The following CCR1 variants were observed in gnomAD, a reference collection of about 807,000 sequenced individuals.
CCR1 encodes the protein C-C chemokine receptor type 1.
Under a neutral mutation model 0.3 loss-of-function variants are expected in CCR1, and 1 was observed. The observed-to-expected ratio is 3.70, with a 90% confidence interval of 1.31 to 17.54. CCR1 has a LOEUF of 17.54. Ranked by LOEUF, CCR1 falls within the 30% of genes most tolerant of loss-of-function variation. The probability of loss-of-function intolerance (pLI) is 0.11; values close to 1 mark genes in which losing one functional copy is unlikely to be tolerated. For missense variants in CCR1, 349 were observed against 435.4 expected (o/e 0.80, Z 1.77); for synonymous variants, 207 against 182.5 (o/e 1.13, Z -1.08).
In CCR1 at chr3:46,201,832, C is replaced by T. The variant is rs199549863; in HGVS notation, c.*1414G>A. ...GTTATTATCATAAATATGCACCCAA[C>T]AAAAAACAAACTAAAAGAAAATACA... is the stretch of plus-strand genomic sequence containing the variant. On this transcript the variant is annotated 3_prime_UTR_variant, in exon 2 of 2. Coordinates refer to ENST00000296140, the MANE Select transcript of CCR1 (RefSeq NM_001295.3). The T allele has an allele frequency of 6.6e-6, 1 of 152,098 alleles. No individual in the cohort carries two copies. Among genetic ancestry groups the T allele is most frequent in the Non-Finnish European group, 1.5e-5 (1 of 67,996 alleles). 9.4% of individuals were successfully genotyped at this position (152,098 alleles called of 1,614,324 possible).
intron 1 of CCR1, among the ~76,000 whole-genome samples, chr3:46,207,906 C>T (rs1699661437): frequency 6.6e-6 from 1 of 152,160 alleles, no homozygotes; most frequent in Non-Finnish European, 1.5e-5. Context: ...TCCCAAAGTG[C>T]TGGGATTACA....
intron 1 of CCR1, among the ~76,000 whole-genome samples, chr3:46,206,667 C>T (rs1212329305): frequency 6.6e-6 from 1 of 152,196 alleles, no homozygotes; most frequent in Non-Finnish European, 1.5e-5. Flanking sequence ...CATACACCCC[C>T]TACCTCCAAC....
rs745318229 is a variant in CCR1 at position 46,203,455 on chromosome 3, C to T, written c.859G>A (p.Glu287Lys). ...RHLDLAVQVT[E>K]VIAYTHCCVN... ...CAGCAGTGCGTGTAGGCGATCACCT[C>T]CGTCACTTGCACAGCCAGGTCCAAA... The change falls in exon 2 of 2, where the codon GAG (glutamate) becomes AAG (lysine). Residue 287 changes from glutamate (E) to lysine (K), a missense_variant. Coordinates refer to ENST00000296140, the MANE Select transcript of CCR1 (RefSeq NM_001295.3). This position sits in a 1 kb window ranked among gnomAD's most constrained non-coding sequence, Gnocchi z 4.5. The T allele has an allele frequency of 6.8e-6, 11 of 1,614,044 alleles. No homozygotes were observed. In the African/African-American group the frequency reaches 8.0e-5, roughly 12 times the overall value.
At position 46,203,299 on chromosome 3, in the gene CCR1, C is replaced by T. The variant is rs184619480; in HGVS notation, c.1015G>A (p.Val339Ile). The T allele has an allele frequency of 6.2e-6, 10 of 1,614,162 alleles. No homozygotes were observed. Among genetic ancestry groups the T allele is most frequent in the African/African-American group, 1.3e-5 (1 of 75,056 alleles). The change falls in exon 2 of 2, where the codon GTC becomes ATC. Residue 339 changes from valine (V) to isoleucine (I), a missense_variant. Coordinates refer to ENST00000296140, the MANE Select transcript of CCR1 (RefSeq NM_001295.3). The surrounding 1 kb of genome is among the most constrained non-coding windows in gnomAD (Gnocchi z 4.5). ...PFLSVDRLER[V>I]SSTSPSTGEH... ...CCTGTGGAGGGAGATGTGGAGCTGA[C>T]CCTCTCCAGCCTGTCCACGGAGAGG...
At position 46,202,225 on chromosome 3, in the gene CCR1, T is replaced by C. The variant is rs1443408816; in HGVS notation, c.*1021A>G. 4 of 123,760 alleles carry C rather than the reference T, an allele frequency of 3.2e-5. No individual in the cohort carries two copies. Among genetic ancestry groups the C allele is most frequent in the Non-Finnish European group, 5.4e-5 (3 of 55,398 alleles). The allele number at this position is 123,760 out of a possible 1,614,324, so 7.7% of individuals were successfully genotyped here. A position where few individuals can be genotyped will look rare whatever the true frequency, so the allele number is the denominator to read the frequency against. ...ACAGCAGGCCTTATTATTATTATTA[T>C]TTTTTTTTTTTGCTGACAAGTCCAA... On this transcript the variant is annotated 3_prime_UTR_variant, in exon 2 of 2. Coordinates refer to ENST00000296140, the MANE Select transcript of CCR1 (RefSeq NM_001295.3).
In CCR1 at chr3:46,203,251, A is replaced by G. The variant is rs1052740665; in HGVS notation, c.1063T>C (p.Phe355Leu). ...TTGGCCTCCTATGGTCTGAGTCAGA[A>G]CCCAGCAGAGAGTTCATGCTCCCCT... ...STGEHELSAG[F>L] Residue 355 changes from phenylalanine to leucine, a missense_variant, in exon 2 of 2, where the codon TTC (phenylalanine) becomes CTC (leucine). Phe to Leu is a conservative substitution (Grantham distance 22). Coordinates refer to ENST00000296140, the MANE Select transcript of CCR1 (RefSeq NM_001295.3). This position sits in a 1 kb window ranked among gnomAD's most constrained non-coding sequence, Gnocchi z 4.5. The G allele has an allele frequency of 6.2e-7, 1 of 1,611,950 alleles. No individual in the cohort carries two copies. The highest frequency in any genetic ancestry group is 1.3e-5 in the African/African-American group (1 of 74,878).
rs201776251 is a variant in CCR1 at position 46,203,498 on chromosome 3, C to T, written c.816G>A (p.Glu272=). Residue 272 remains glutamate, a synonymous_variant, in exon 2 of 2, where the codon GAG becomes GAA. Transcript: ENST00000296140. The surrounding 1 kb of genome is among the most constrained non-coding windows in gnomAD (Gnocchi z 4.5). ...SVFQDFLFTH[E]CEQSRHLDLA... ...GGTCCAAATGTCTGCTCTGCTCACA[C>T]TCATGGGTGAACAGGAAGTCTTGGA... 15 of 1,614,052 alleles carry T rather than the reference C, an allele frequency of 9.3e-6. No homozygotes were observed. In the South Asian group the frequency reaches 1.6e-4, roughly 18 times the overall value.
chr3:46,207,140 A>T (rs761068074), intron 1 of CCR1, among the ~76,000 whole-genome samples: 4 of 152,166 alleles, frequency 2.6e-5, no homozygotes, highest in African/African-American at 9.7e-5. Flanking sequence ...CAGAAGAGTC[A>T]GTTGTTGAAC....
intron 1 of CCR1, among the ~76,000 whole-genome samples, chr3:46,206,882 A>C (rs1440913632): frequency 6.6e-6 from 1 of 151,976 alleles, no homozygotes; most frequent in Non-Finnish European, 1.5e-5. Flanking sequence ...TGGATCCTGG[A>C]CCCTCCACTG....
intron 1 of CCR1, among the ~76,000 whole-genome samples, chr3:46,205,048 G>A (rs987162114): frequency 1.3e-5 from 2 of 152,202 alleles, no homozygotes; most frequent in Non-Finnish European, 2.9e-5. Context: ...AAATGTGTGG[G>A]CATTTGTTGT....
At position 46,203,574 on chromosome 3, in the gene CCR1, A is replaced by G. The variant is rs1389682776; in HGVS notation, c.740T>C (p.Ile247Thr). 2 of 1,614,178 alleles carry G rather than the reference A, an allele frequency of 1.2e-6. No homozygotes were observed. Among genetic ancestry groups the G allele is most frequent in the Admixed American group, 3.3e-5 (2 of 60,030 alleles). Residue 247 changes from isoleucine (I) to threonine (T), a missense_variant, in exon 2 of 2, where the codon ATC (isoleucine) becomes ACC (threonine). Physicochemically the swap from Ile to Thr is moderately conservative, Grantham distance 89. Coordinates refer to ENST00000296140, the MANE Select transcript of CCR1 (RefSeq NM_001295.3). The surrounding 1 kb of genome is among the most constrained non-coding windows in gnomAD (Gnocchi z 4.5). ...AVRLIFVIMIIFFLFWTPYNL... is the reference protein window; with the variant it reads ...AVRLIFVIMITFFLFWTPYNL... The stretch of plus-strand genomic sequence containing the variant: ...GTAGGGGGTCCAAAAGAGAAAAAAG[A>G]TGATCATGATGACAAAAATCAAACG...
rs1369711659 is a variant in CCR1 at position 46,202,782 on chromosome 3, C to CGGGGG, written c.*459_*463dup. 2 of 66,692 alleles carry CGGGGG rather than the reference C, an allele frequency of 3.0e-5. No individual in the cohort carries two copies. Among genetic ancestry groups the CGGGGG allele is most frequent in the East Asian group, 5.0e-4 (1 of 1,996 alleles). The allele number at this position is 66,692 out of a possible 1,614,324, so 4.1% of individuals were successfully genotyped here. A position where few individuals can be genotyped will look rare whatever the true frequency, so the allele number is the denominator to read the frequency against. On this transcript the variant is annotated 3_prime_UTR_variant, in exon 2 of 2. Coordinates refer to ENST00000296140, the MANE Select transcript of CCR1 (RefSeq NM_001295.3). ...AAGTTCTTTGGCAGTGGGAGGGTGG[C>CGGGGG]GGGGGGGGGGAGGTGATGGAAGAAC...
chr3:46,203,620 C>T lies in CCR1; in HGVS notation c.694G>A (p.Glu232Lys), dbSNP rs747882638. ...AAACGGACAGCTTTGGATTTCTTCTCATTTGGTCGTCTTAGCAGAATCTTT... is the reference window on the plus strand; with the variant it reads ...AAACGGACAGCTTTGGATTTCTTCTTATTTGGTCGTCTTAGCAGAATCTTT... ...IIKILLRRPNEKKSKAVRLIF... is the reference protein window; with the variant it reads ...IIKILLRRPNKKKSKAVRLIF... The change falls in exon 2 of 2, where the codon GAG becomes AAG. Residue 232 changes from glutamate to lysine, a missense_variant. Glu to Lys is a moderately conservative substitution (Grantham distance 56). Coordinates refer to ENST00000296140, the MANE Select transcript of CCR1 (RefSeq NM_001295.3). This position sits in a 1 kb window ranked among gnomAD's most constrained non-coding sequence, Gnocchi z 4.5. The T allele has an allele frequency of 1.2e-6, 2 of 1,614,166 alleles. No homozygotes were observed. Among genetic ancestry groups the T allele is most frequent in the Non-Finnish European group, 1.7e-6 (2 of 1,180,026 alleles).
intron 1 of CCR1, among the ~76,000 whole-genome samples, chr3:46,207,978 C>T (rs765338851): frequency 2.0e-5 from 3 of 152,154 alleles, no homozygotes; most frequent in Non-Finnish European, 2.9e-5. Flanking sequence ...CAGAAAACAC[C>T]TTTTGTCCCT....
intron 1 of CCR1, among the ~76,000 whole-genome samples, chr3:46,207,582 C>T (rs945494850): frequency 6.6e-6 from 1 of 152,134 alleles, no homozygotes; most frequent in Non-Finnish European, 1.5e-5. Context: ...CTAATATTTC[C>T]CTCTTGCTAT....
intron 1 of CCR1, among the ~76,000 whole-genome samples, chr3:46,206,650 T>C (rs985031370): frequency 7.9e-5 from 12 of 152,128 alleles, no homozygotes; most frequent in Admixed American, 2.0e-4. Flanking sequence ...TTAAACCGAG[T>C]CACCTCCATA....
In CCR1 at chr3:46,204,346, A is replaced by G. The variant is rs201802869; in HGVS notation, c.-11-22T>C. The G allele has an allele frequency of 2.9e-6, 4 of 1,399,182 alleles. No individual in the cohort carries two copies. The East Asian group carries it at 7.0e-5, about 25-fold the overall frequency. The allele number at this position is 1,399,182 out of a possible 1,614,324, so 86.7% of individuals were successfully genotyped here. A position where few individuals can be genotyped will look rare whatever the true frequency, so the allele number is the denominator to read the frequency against. ...TCTCCTACAGGTTAAAAAAAAAAAA[A>G]AGATTTGTCTTTACTCTGCTACTAA... On this transcript the variant is annotated intron_variant, in intron 1 of 1. Transcript: ENST00000296140.
rs1699604453 is a variant in CCR1 at position 46,202,391 on chromosome 3, TGAAAA to T, written c.*850_*854del. On this transcript the variant is annotated 3_prime_UTR_variant, in exon 2 of 2. Transcript: ENST00000296140. Reference sequence around the variant, plus strand: ...GAATCTACCAACATATCACCCAACTTGAAAAGAAGAGAGATTCTGAAAAATAGTCA... The same window carrying T: ...GAATCTACCAACATATCACCCAACTTGAAGAGAGATTCTGAAAAATAGTCA... 6.6e-6 allele frequency: 1 copy of T among 152,058 alleles called. No homozygotes were observed. Among genetic ancestry groups the T allele is most frequent in the African/African-American group, 2.4e-5 (1 of 41,468 alleles). 9.4% of individuals were successfully genotyped at this position (152,058 alleles called of 1,614,324 possible).
At position 46,204,215 on chromosome 3, in the gene CCR1, C is replaced by A; in HGVS notation, c.99G>T (p.Gly33=). ...AGTACAGAGGGGGCAGCAGTTGGGC[C>A]CCAAAGGCCCTCTCGTTCACCTTCT... ...PCQKVNERAF[G]AQLLPPLYSL... The change falls in exon 2 of 2, where the codon GGG becomes GGT. Residue 33 remains glycine, a synonymous_variant. Coordinates refer to ENST00000296140, the MANE Select transcript of CCR1 (RefSeq NM_001295.3). 6.2e-7 allele frequency: 1 copy of A among 1,613,754 alleles called. No individual in the cohort carries two copies. The highest frequency in any genetic ancestry group is 8.5e-7 in the Non-Finnish European group (1 of 1,179,834).
Sources: allele counts gnomAD v4.1 joint callset (sites outside exome capture counted in the v4.1 genomes callset), GRCh38; gene constraint gnomAD v4.1.1; non-coding constraint Gnocchi (gnomAD v3.1); transcripts MANE v1.5; gene names NCBI Gene and HGNC (gene_info 2026-07-23, HGNC 2026-07-21).